Variants in DLG2 observed in about 807,000 individuals in gnomAD.
The protein encoded by DLG2 is disks large homolog 2.
A neutral mutation model predicts 132.5 loss-of-function variants in DLG2; 45 were observed. The observed-to-expected ratio is 0.34, with a 90% CI of 0.27 to 0.44. The LOEUF is 0.44. Ranked by LOEUF, DLG2 falls within the 20% of genes least tolerant of loss-of-function variation. The probability of loss-of-function intolerance (pLI) is 1.00; values close to 1 mark genes in which losing one functional copy is unlikely to be tolerated. For missense variants in DLG2, 1,045 were observed against 1,196.9 expected, an observed-to-expected ratio of 0.87 and a Z score of 1.87; for synonymous variants, 424 against 419.6, an observed-to-expected ratio of 1.01 and a Z score of -0.13.
At chr11:83,828,573 A>AATAGGTT (rs1345672002) in intron 17 of DLG2, among the ~76,000 whole-genome samples, 1 of 152,214 alleles carries the variant, frequency 6.6e-6, no homozygotes, top group Non-Finnish European at 1.5e-5. Context: ...AGAAGCCTGT[A>AATAGGTT]CAAATGAACC....
intron 3 of DLG2, among the ~76,000 whole-genome samples, chr11:85,298,076 T>C (rs2079355109): frequency 6.6e-6 from 1 of 152,022 alleles, no homozygotes; most frequent in Non-Finnish European, 1.5e-5. Context: ...AGCCTGAGTT[T>C]GGTGAGGAGG....
At chr11:84,408,408 A>G (rs2098871647) in intron 7 of DLG2, among the ~76,000 whole-genome samples, 5 of 152,054 alleles carry the variant, frequency 3.3e-5, no homozygotes, top group African/African-American at 1.2e-4. Flanking sequence ...GATTTGTTAC[A>G]TATGTATACA....
At chr11:83,974,016 C>T (rs1049473740) in intron 12 of DLG2, among the ~76,000 whole-genome samples, 2 of 152,072 alleles carry the variant, frequency 1.3e-5, no homozygotes, top group African/African-American at 4.8e-5. Context: ...ACTGTCCTAA[C>T]TACCTCTCAA....
intron 3 of DLG2, among the ~76,000 whole-genome samples, chr11:85,482,429 G>A (rs898476376): frequency 2.6e-5 from 4 of 152,160 alleles, no homozygotes; most frequent in Non-Finnish European, 4.4e-5. Flanking sequence ...ATGGTCCAAT[G>A]ATGCTACAGT....
chr11:84,853,419 G>A (rs949058043), intron 6 of DLG2, among the ~76,000 whole-genome samples: 1 of 151,954 alleles, frequency 6.6e-6, no homozygotes, highest in African/African-American at 2.4e-5. Flanking sequence ...TTGTAAGAGA[G>A]GCATCTGGAC....
rs558844593 is a variant in DLG2, at chr11:85,566,504, T to C, written c.40+32153A>G. On this transcript the variant is annotated intron_variant, in intron 3 of 27. Coordinates refer to ENST00000376104, the MANE Select transcript of DLG2 (RefSeq NM_001142699.3). ...CATTTATTTCTCAAAGTTCTAGAGG[T>C]TGGAAGTCTGAAATCAGAGTGCCAG... Among the ~76,000 whole-genome samples, 32 of 152,094 alleles carry C rather than the reference T, an allele frequency of 2.1e-4. 1 individual carries two copies. In the South Asian group the frequency reaches 6.0e-3, roughly 29 times the overall value.
intron 4 of DLG2, among the ~76,000 whole-genome samples, chr11:85,210,548 T>C (rs2082189483): frequency 6.6e-6 from 1 of 152,120 alleles, no homozygotes; most frequent in African/African-American, 2.4e-5. Flanking sequence ...ACTTTTTTTT[T>C]CCTTTATAAC....
intron 6 of DLG2, among the ~76,000 whole-genome samples, chr11:84,886,016 C>T (rs2088227850): frequency 6.6e-6 from 1 of 152,060 alleles, no homozygotes; most frequent in Admixed American, 6.6e-5. Context: ...TTAGTTAAGA[C>T]AGGGATCTTG....
rs571349923 is a variant in DLG2, at chr11:85,622,250, A to C, written c.-93+4337T>G. Reference sequence around the variant, plus strand: ...ATATACTGTACTGTATACAACAAATATTTTGGTTTCCCAGTGCATATATAC... The same window carrying C: ...ATATACTGTACTGTATACAACAAATCTTTTGGTTTCCCAGTGCATATATAC... On this transcript the variant is annotated intron_variant, in intron 2 of 27. Coordinates refer to ENST00000376104, the MANE Select transcript of DLG2 (RefSeq NM_001142699.3). Among the ~76,000 whole-genome samples the C allele has an allele frequency of 4.6e-5, 7 of 152,264 alleles. No homozygotes were observed. In the South Asian group the frequency reaches 1.5e-3, roughly 32 times the overall value.
At chr11:84,026,985 G>A (rs2095552181) in intron 11 of DLG2, among the ~76,000 whole-genome samples, 1 of 151,624 alleles carries the variant, frequency 6.6e-6, no homozygotes, top group Admixed American at 6.6e-5. Context: ...TTAGGCCCTC[G>A]GTCTTCTTTT....
At chr11:84,097,397 C>T (rs1269569739) in intron 10 of DLG2, among the ~76,000 whole-genome samples, 1 of 152,164 alleles carries the variant, frequency 6.6e-6, no homozygotes, top group African/African-American at 2.4e-5. Flanking sequence ...TGCCAAGTCC[C>T]TTCAGCCAGA....
At chr11:84,962,534 C>T (rs1456336138) in intron 6 of DLG2, among the ~76,000 whole-genome samples, 2 of 152,188 alleles carry the variant, frequency 1.3e-5, no homozygotes, top group Non-Finnish European at 2.9e-5. Context: ...GGCTTATTAA[C>T]TGCAGGGGCC....
At chr11:84,513,653 C>A (rs1465018955) in intron 7 of DLG2, among the ~76,000 whole-genome samples, 1 of 150,978 alleles carries the variant, frequency 6.6e-6, no homozygotes, top group African/African-American at 2.5e-5. Flanking sequence ...GAAACTTGAC[C>A]CATCTCTTGC....
chr11:85,006,416 G>T (rs1357774758), intron 6 of DLG2, among the ~76,000 whole-genome samples: 2 of 152,032 alleles, frequency 1.3e-5, no homozygotes, highest in South Asian at 2.1e-4. Flanking sequence ...CTTGTTATTG[G>T]CCTATTCAGG....
intron 6 of DLG2, among the ~76,000 whole-genome samples, chr11:84,850,316 G>A (rs540677845): frequency 1.3e-5 from 2 of 152,120 alleles, no homozygotes; most frequent in East Asian, 3.9e-4. Flanking sequence ...AAGACTTAGA[G>A]GAGGAAGAGT....
chr11:85,322,466 T>C (rs1397386714), intron 3 of DLG2, among the ~76,000 whole-genome samples: 1 of 152,158 alleles, frequency 6.6e-6, no homozygotes, highest in Non-Finnish European at 1.5e-5. Flanking sequence ...GTTTGCATTA[T>C]TATAAATTAG....
chr11:84,984,201 T>C lies in DLG2; in HGVS notation c.357+127460A>G, dbSNP rs903330687. Among the ~76,000 whole-genome samples, 14 of 152,272 alleles carry C rather than the reference T, an allele frequency of 9.2e-5. No homozygotes were observed. The East Asian group carries it at 1.4e-3, about 15-fold the overall frequency. ...CCAAAAAGATCATCACCTAGGCACA[T>C]TGCCATCAGGTTATCTAAAGTTAAG... is the stretch of plus-strand genomic sequence containing the variant. On this transcript the variant is annotated intron_variant, in intron 6 of 27. Transcript: ENST00000376104.
intron 3 of DLG2, among the ~76,000 whole-genome samples, chr11:85,407,267 T>A (rs1187399141): frequency 2.0e-5 from 3 of 151,942 alleles, no homozygotes; most frequent in Middle Eastern, 3.4e-3. Flanking sequence ...ATCTTCTACA[T>A]GTTAAAAGGT....
rs567092107 is a variant in DLG2 at position 84,789,977 on chromosome 11, A to G, written c.358-255246T>C. 4.6e-5 allele frequency among the ~76,000 whole-genome samples: 7 copies of G among 152,250 alleles called. No homozygotes were observed. The East Asian group carries it at 7.7e-4, about 17-fold the overall frequency. On this transcript the variant is annotated intron_variant, in intron 6 of 27. Coordinates refer to ENST00000376104, the MANE Select transcript of DLG2 (RefSeq NM_001142699.3). ...TATATGTACCACATTTTCTTTATCA[A>G]TTGATCTGTTCATGAACACTTAGGC...
Sources: allele counts gnomAD v4.1 joint callset (sites outside exome capture counted in the v4.1 genomes callset), GRCh38; gene constraint gnomAD v4.1.1; transcripts MANE v1.5; gene names NCBI Gene and HGNC (gene_info 2026-07-23, HGNC 2026-07-21).